Variants in RPH3A observed in about 807,000 individuals in gnomAD.
The protein encoded by RPH3A is rabphilin-3A.
RPH3A carries 48 observed loss-of-function variants against 102.2 expected under a neutral mutation model. That is an observed-to-expected ratio of 0.47 (90% confidence interval 0.37 to 0.60). RPH3A has a LOEUF of 0.60. Among genes scored for constraint, RPH3A ranks in the 20% least tolerant of loss-of-function variants. RPH3A has a pLI of 0.00. For synonymous variants in RPH3A, 310 were observed against 324.3 expected, an observed-to-expected ratio of 0.96 and a Z score of 0.47; for missense variants, 781 against 910.1, an observed-to-expected ratio of 0.86 and a Z score of 1.83.
At chr12:112,798,209 T>A (rs2041272067) in intron 2 of RPH3A, among the ~76,000 whole-genome samples, 1 of 152,206 alleles carries the variant, frequency 6.6e-6, no homozygotes, top group South Asian at 2.1e-4. Context: ...GTGAGCAAGA[T>A]AACATGCCTC....
intron 1 of RPH3A, among the ~76,000 whole-genome samples, chr12:112,613,675 C>T (rs1380801392): frequency 6.6e-6 from 1 of 152,004 alleles, no homozygotes; most frequent in Non-Finnish European, 1.5e-5. Flanking sequence ...ATGGTGCATG[C>T]CTGTAGACCC....
intron 1 of RPH3A, among the ~76,000 whole-genome samples, chr12:112,771,037 G>C (rs887267379): frequency 6.6e-6 from 1 of 152,138 alleles, no homozygotes; most frequent in Non-Finnish European, 1.5e-5. Flanking sequence ...AGGTACAAGT[G>C]GTTGCAAATT....
intron 2 of RPH3A, chr12:112,813,382 C>G (rs1394591364): frequency 6.6e-6 from 1 of 152,196 alleles, no homozygotes; most frequent in Non-Finnish European, 1.5e-5. Flanking sequence ...CAATACTGGC[C>G]AAGGTTTTAT....
At chr12:112,676,585 C>G (rs1392421671) in intron 1 of RPH3A, among the ~76,000 whole-genome samples, 1 of 152,204 alleles carries the variant, frequency 6.6e-6, no homozygotes, top group Non-Finnish European at 1.5e-5. Context: ...TTTAAAATGC[C>G]ACTTCATTCC....
At chr12:112,857,496 G>T (rs970711156) in intron 5 of RPH3A, among the ~76,000 whole-genome samples, 2 of 152,148 alleles carry the variant, frequency 1.3e-5, no homozygotes, top group Non-Finnish European at 2.9e-5. Flanking sequence ...GAGATTAAAA[G>T]ATGCCCTACT....
At chr12:112,758,726 A>T (rs1443237609) in intron 1 of RPH3A, among the ~76,000 whole-genome samples, 3 of 152,186 alleles carry the variant, frequency 2.0e-5, no homozygotes, top group Non-Finnish European at 4.4e-5. Context: ...TACTCATGTG[A>T]TTCAAAAGTC....
At chr12:112,855,071 G>C (rs1593086565) in intron 5 of RPH3A, among the ~76,000 whole-genome samples, 1 of 152,286 alleles carries the variant, frequency 6.6e-6, no homozygotes, top group East Asian at 1.9e-4. Flanking sequence ...GAAAGGGCAG[G>C]GAGAAGGGTC....
At chr12:112,802,888 CG>C (rs1443265644) in intron 2 of RPH3A, among the ~76,000 whole-genome samples, 1 of 152,130 alleles carries the variant, frequency 6.6e-6, no homozygotes. Context: ...CCTGTAACAC[CG>C]ACGTTGCCTC....
At chr12:112,879,081 A>T (rs2042858480) in intron 13 of RPH3A, 38 bp from the exon 14 acceptor site, 1 of 1,529,616 alleles carries the variant, frequency 6.5e-7, no homozygotes, top group Non-Finnish European at 9.1e-7. Context: ...GAGTGACTGA[A>T]TATTCGTTAT....
At chr12:112,621,584 G>C (rs2039725783) in intron 1 of RPH3A, among the ~76,000 whole-genome samples, 1 of 149,586 alleles carries the variant, frequency 6.7e-6, no homozygotes, top group Non-Finnish European at 1.5e-5. Flanking sequence ...CTGATTGCTA[G>C]CACAGCATTC....
At position 112,836,498 on chromosome 12, in the gene RPH3A, G is replaced by A. The variant is rs1291224643; in HGVS notation, c.79G>A (p.Glu27Lys). 1 of 1,326,972 alleles carries A rather than the reference G, an allele frequency of 7.5e-7. No homozygotes were observed. The highest frequency in any genetic ancestry group is 1.0e-6 in the Non-Finnish European group (1 of 964,924). The allele number at this position is 1,326,972 out of a possible 1,614,324, so 82.2% of individuals were successfully genotyped here. ...SDRPLQSNDK[E>K]QLQAGWSVHP... ...TTCTCTGCCTTCCTTCAGTGATAAA[G>A]AACAGTGAGTATTTTATAACACTTA... Residue 27 changes from glutamate to lysine, a missense_variant, in exon 4 of 22, where the codon GAA (glutamate) becomes AAA (lysine). By Grantham distance (56) the Glu-to-Lys change is moderately conservative (BLOSUM62 1). Coordinates refer to ENST00000389385, the MANE Select transcript of RPH3A (RefSeq NM_001143854.2).
At chr12:112,838,629 G>A (rs2042093457) in intron 4 of RPH3A, among the ~76,000 whole-genome samples, 1 of 152,218 alleles carries the variant, frequency 6.6e-6, no homozygotes, top group Non-Finnish European at 1.5e-5. Flanking sequence ...CTCTGCTGTT[G>A]AATGCTTCAG....
chr12:112,730,533 G>C (rs1305817109), intron 1 of RPH3A, among the ~76,000 whole-genome samples: 2 of 152,180 alleles, frequency 1.3e-5, no homozygotes, highest in African/African-American at 4.8e-5. Context: ...GCTTCTCATG[G>C]GGTTGGCTGA....
chr12:112,867,735 C>T (rs573313888), intron 7 of RPH3A, among the ~76,000 whole-genome samples: 5 of 152,166 alleles, frequency 3.3e-5, no homozygotes, highest in Non-Finnish European at 7.4e-5. Context: ...AAATAAATAC[C>T]GTAGTCCCAC....
At position 112,875,093 on chromosome 12, in the gene RPH3A, G is replaced by T; in HGVS notation, c.806G>T (p.Arg269Leu). 3 of 1,608,374 alleles carry T rather than the reference G, an allele frequency of 1.9e-6. No individual in the cohort carries two copies. The highest frequency in any genetic ancestry group is 2.2e-5 in the East Asian group (1 of 44,716). Reference protein sequence around the residue: ...DSSRSPAGLRRANSVQASRPA... With the variant: ...DSSRSPAGLRLANSVQASRPA... The stretch of plus-strand genomic sequence containing the variant: ...TTTCTTTCCTCTGCAGGTTTGAGAC[G>T]GGCCAACTCAGTCCAGGCCTCCAGA... Residue 269 changes from arginine to leucine, a missense_variant, in exon 11 of 22, where the codon CGG (arginine) becomes CTG (leucine). By Grantham distance (102) the Arg-to-Leu change is moderately radical (BLOSUM62 -2). Coordinates refer to ENST00000389385, the MANE Select transcript of RPH3A (RefSeq NM_001143854.2).
At chr12:112,720,183 C>T (rs1019213675) in intron 1 of RPH3A, among the ~76,000 whole-genome samples, 21 of 152,236 alleles carry the variant, frequency 1.4e-4, no homozygotes, top group African/African-American at 5.1e-4. Context: ...GTGGTATGTG[C>T]ACATGCACGT....
At chr12:112,583,804 G>C (rs186834975) in intron 1 of RPH3A, among the ~76,000 whole-genome samples, 3 of 152,276 alleles carry the variant, frequency 2.0e-5, no homozygotes, top group African/African-American at 7.2e-5. Context: ...GACCAACATG[G>C]TGAAACCCCA....
intron 1 of RPH3A, among the ~76,000 whole-genome samples, chr12:112,690,799 G>A (rs1290626619): frequency 6.6e-6 from 1 of 152,166 alleles, no homozygotes; most frequent in African/African-American, 2.4e-5. Flanking sequence ...CTTTTTACAA[G>A]ATGGGATCAC....
chr12:112,617,635 A>C (rs927236351), intron 1 of RPH3A: 1 of 152,226 alleles, frequency 6.6e-6, no homozygotes, highest in African/African-American at 2.4e-5. Flanking sequence ...TTTAATTGCA[A>C]TGCAGAGGAG....
Sources: gnomAD v4.1 joint callset for allele counts (sites outside exome capture counted in the v4.1 genomes callset) on GRCh38, gnomAD v4.1.1 for gene constraint, MANE v1.5 for transcripts, NCBI Gene and HGNC (gene_info 2026-07-23, HGNC 2026-07-21) for gene names.